USP24: variants seen among roughly 807,000 people sequenced by gnomAD.
The protein encoded by USP24 is ubiquitin carboxyl-terminal hydrolase 24.
A neutral mutation model predicts 361.6 loss-of-function variants in USP24; 97 were observed. That is an observed-to-expected ratio of 0.27 (90% confidence interval 0.23 to 0.32). The LOEUF is 0.32. Among genes scored for constraint, USP24 ranks in the 10% least tolerant of loss-of-function variants. The probability of loss-of-function intolerance (pLI) is 1.00; values close to 1 mark genes in which losing one functional copy is unlikely to be tolerated. For synonymous variants in USP24, 1,098 were observed against 1,124.6 expected (o/e 0.98, Z 0.47); for missense variants, 2,353 against 3,165.6 (o/e 0.74, Z 6.16).
At chr1:55,183,730 A>T (rs1354705574) in intron 1 of USP24, among the ~76,000 whole-genome samples, 1 of 152,204 alleles carries the variant, frequency 6.6e-6, no homozygotes, top group Non-Finnish European at 1.5e-5. Flanking sequence ...AATTTTTAAA[A>T]TATATTATAC....
rs1231067955 is a variant in USP24 at position 55,178,712 on chromosome 1, TAAATAAATAAATAAATA to T, written c.325-597_325-581del. Among the ~76,000 whole-genome samples the T allele has an allele frequency of 2.2e-3, 279 of 124,302 alleles. 1 individual carries two copies. The highest frequency in any genetic ancestry group is 0.012 in the African/African-American group (270 of 22,924). The allele number at this position is 124,302 out of a possible 152,430, so 81.5% of individuals were successfully genotyped here. A position where few individuals can be genotyped will look rare whatever the true frequency, so the allele number is the denominator to read the frequency against. On this transcript the variant is annotated intron_variant, in intron 1 of 67. Transcript: ENST00000294383. ...ATAAATAAATAAATAAATAAATAAA[TAAATAAATAAATAAATA>T]AAAAGAACTGTCTAGGCCGGACATG...
rs1229552461 is a variant in USP24 at position 55,098,136 on chromosome 1, T to C, written c.5454-52A>G. 12 of 1,503,622 alleles carry C rather than the reference T, an allele frequency of 8.0e-6. No individual in the cohort carries two copies. The East Asian group carries it at 2.3e-4, about 29-fold the overall frequency. The allele number at this position is 1,503,622 out of a possible 1,614,324, so 93.1% of individuals were successfully genotyped here. On this transcript the variant is annotated intron_variant, in intron 46 of 67. Transcript: ENST00000294383. ...CAATCAACAATGGAATTTAAAACTC[T>C]TCAATTATCATAATACCTAAGCTTG... is the stretch of plus-strand genomic sequence containing the variant.
chr1:55,088,825 G>A (rs954387533), intron 55 of USP24, among the ~76,000 whole-genome samples: 1 of 152,116 alleles, frequency 6.6e-6, no homozygotes, highest in Admixed American at 6.5e-5. Flanking sequence ...ATAGTGATTG[G>A]AGCATTCTGA....
chr1:55,152,879 G>C (rs1226371582), intron 16 of USP24, among the ~76,000 whole-genome samples: 1 of 151,998 alleles, frequency 6.6e-6, no homozygotes, highest in African/African-American at 2.4e-5. Context: ...AGAAATAAAA[G>C]CCCACTGAGC....
chr1:55,129,850 A>G (rs573614146), intron 31 of USP24, among the ~76,000 whole-genome samples: 16 of 152,194 alleles, frequency 1.1e-4, no homozygotes, highest in Non-Finnish European at 1.6e-4. Context: ...CCTCAGGCTT[A>G]GATAAGAACA....
At chr1:55,170,866 A>G (rs1649375975) in intron 5 of USP24, among the ~76,000 whole-genome samples, 1 of 152,204 alleles carries the variant, frequency 6.6e-6, no homozygotes. Flanking sequence ...TTATATTAAA[A>G]GACAGGACTG....
chr1:55,124,406 C>A, intron 35 of USP24, 63 bp downstream of exon 35: 1 of 1,536,100 alleles, frequency 6.5e-7, no homozygotes, highest in Non-Finnish European at 8.8e-7. Flanking sequence ...CAAACCTACA[C>A]ACAGAATTCT....
intron 56 of USP24, among the ~76,000 whole-genome samples, chr1:55,085,525 T>A (rs887894811): frequency 1.3e-5 from 2 of 152,194 alleles, no homozygotes; most frequent in African/African-American, 4.8e-5. Context: ...ACTATTTGGT[T>A]TGGTTGCCAG....
intron 39 of USP24, 53 bp downstream of exon 39, chr1:55,110,132 T>C (rs1645907201): frequency 4.3e-6 from 6 of 1,391,264 alleles, no homozygotes; most frequent in Non-Finnish European, 5.9e-6. Flanking sequence ...CGTGTGACTT[T>C]CTCTTCTACT....
intron 63 of USP24, among the ~76,000 whole-genome samples, chr1:55,074,635 AAAATAAATAAATAAATAAATAAAT>A (rs143014800): frequency 5.8e-5 from 8 of 138,952 alleles, no homozygotes; most frequent in Non-Finnish European, 1.1e-4. Context: ...CCCTGTCTCA[AAAATAAATAAATAAATAAATAAAT>A]AAATAAATAA....
intron 16 of USP24, chr1:55,151,932 A>T: frequency 1.0e-6 from 1 of 985,794 alleles, no homozygotes; most frequent in Middle Eastern, 5.2e-4. Flanking sequence ...GTTTCTGTGT[A>T]GCCTGGCAGG....
In USP24 at chr1:55,213,006, T is replaced by G. The variant is rs144880098; in HGVS notation, c.324+1784A>C. ...ATGTTAACATGAATGCACCAAGCAT[T>G]GTAATTTAAATTGATTTTCCAATCA... On this transcript the variant is annotated intron_variant, in intron 1 of 67. Transcript: ENST00000294383. Among the ~76,000 whole-genome samples the G allele has an allele frequency of 3.2e-4, 49 of 152,356 alleles. No homozygotes were observed. In the East Asian group the frequency reaches 8.7e-3, roughly 27 times the overall value.
chr1:55,105,141 T>G (rs1024240540), intron 41 of USP24, among the ~76,000 whole-genome samples: 1 of 152,200 alleles, frequency 6.6e-6, no homozygotes, highest in African/African-American at 2.4e-5. Context: ...TTATTAATAA[T>G]AAAACTGCTA....
chr1:55,099,693 A>C, intron 45 of USP24, 78 bp downstream of exon 45: 1 of 1,018,002 alleles, frequency 9.8e-7, no homozygotes, highest in Non-Finnish European at 1.5e-6. Flanking sequence ...TTTCATAGTA[A>C]CCCCAAATGC....
chr1:55,161,542 T>A (rs944506271), intron 8 of USP24, among the ~76,000 whole-genome samples: 1 of 152,120 alleles, frequency 6.6e-6, no homozygotes, highest in Non-Finnish European at 1.5e-5. Context: ...TCAAAACCAT[T>A]TATGGTGATT....
chr1:55,182,269 C>G (rs943267750), intron 1 of USP24, among the ~76,000 whole-genome samples: 7 of 152,186 alleles, frequency 4.6e-5, no homozygotes, highest in Admixed American at 3.9e-4. Context: ...CCAGGATGGT[C>G]TCGATCTCTT....
chr1:55,069,191 GTCT>G lies in USP24; in HGVS notation c.7801-87_7801-85del. On this transcript the variant is annotated intron_variant, in intron 67 of 67. Transcript: ENST00000294383. ...GACTTGTGTTCTGCAATTTAAACAT[GTCT>G]TCATCTGGCAACTTAATGCAATGTT... 4 of 1,362,230 alleles carry G rather than the reference GTCT, an allele frequency of 2.9e-6. No individual in the cohort carries two copies. The South Asian group carries it at 3.6e-5, about 12-fold the overall frequency. 84.4% of individuals were successfully genotyped at this position (1,362,230 alleles called of 1,614,324 possible).
In USP24 at chr1:55,125,685, A is replaced by T. The variant is rs771494628; in HGVS notation, c.3709T>A (p.Ser1237Thr). ...VDYETRQGVY[S>T]ICLQLARFLL... is the part of the protein sequence containing the mutation. ...TACCTTGCAAGCTGTAGACAGATGG[A>T]ATAAACACCCTGCCTTGTTTCATAG... is the stretch of plus-strand genomic sequence containing the variant. The change falls in exon 33 of 68, where the codon TCC becomes ACC. Residue 1237 changes from serine to threonine, a missense_variant. Ser to Thr is a moderately conservative substitution (Grantham distance 58). This residue lies in a region of USP24 where 949 missense variants were observed against 1,280.5 expected (regional missense o/e 0.74). Coordinates refer to ENST00000294383, the MANE Select transcript of USP24 (RefSeq NM_015306.3). 1.9e-5 allele frequency: 30 copies of T among 1,596,418 alleles called. No individual in the cohort carries two copies. The South Asian group carries it at 3.3e-4, about 18-fold the overall frequency.
chr1:55,098,370 G>C (rs1645545238), intron 46 of USP24, 106 bp downstream of exon 46: 1 of 1,020,100 alleles, frequency 9.8e-7, no homozygotes, highest in South Asian at 1.7e-5. Flanking sequence ...TCTGTTGACA[G>C]GGAGAGAGTT....
Sources: allele counts gnomAD v4.1 joint callset (sites outside exome capture counted in the v4.1 genomes callset), GRCh38; gene constraint gnomAD v4.1.1; regional missense constraint gnomAD v4.1.1; transcripts MANE v1.5; gene names NCBI Gene and HGNC (gene_info 2026-07-23, HGNC 2026-07-21).